The following RAB7A variants were observed in gnomAD, a reference collection of about 807,000 sequenced individuals.
RAB7A encodes the protein RAB7A, member RAS oncogene family.
Under a neutral mutation model 24.5 loss-of-function variants are expected in RAB7A, and 2 were observed. That is an observed-to-expected ratio of 0.08 (90% CI 0.03 to 0.26). The LOEUF is 0.26. Among genes scored for constraint, RAB7A ranks in the 10% least tolerant of loss-of-function variants. The pLI, the probability that RAB7A is intolerant of heterozygous loss-of-function variation, is 1.00. For missense variants in RAB7A, 118 were observed against 255.7 expected (o/e 0.46, Z 3.67); for synonymous variants, 100 against 95.9 (o/e 1.04, Z -0.25).
chr3:128,740,897 CAAAAA>C (rs59043831), intron 1 of RAB7A, among the ~76,000 whole-genome samples: 2 of 79,564 alleles, frequency 2.5e-5, no homozygotes, highest in Admixed American at 2.9e-4. Context: ...GGAGATGTCT[CAAAAA>C]AAAAAAAAAA....
chr3:128,785,070 C>T (rs1933307923), intron 1 of RAB7A: 1 of 151,972 alleles, frequency 6.6e-6, no homozygotes, highest in South Asian at 2.1e-4. Flanking sequence ...CTCAGCCTCC[C>T]TGGTAGCTGG....
At chr3:128,732,715 A>G (rs1399587044) in intron 1 of RAB7A, among the ~76,000 whole-genome samples, 1 of 152,164 alleles carries the variant, frequency 6.6e-6, no homozygotes, top group African/African-American at 2.4e-5. Flanking sequence ...GTGGTTCCAG[A>G]TGGTGGGAGG....
At chr3:128,774,586 A>T (rs1559789430) in intron 1 of RAB7A, among the ~76,000 whole-genome samples, 1 of 148,804 alleles carries the variant, frequency 6.7e-6, no homozygotes, top group Non-Finnish European at 1.5e-5. Context: ...TTATTTATTT[A>T]TTTTTGAGAC....
intron 1 of RAB7A, among the ~76,000 whole-genome samples, chr3:128,728,132 C>T (rs2070398911): frequency 1.3e-5 from 2 of 152,128 alleles, no homozygotes; most frequent in South Asian, 4.1e-4. Flanking sequence ...GACATTGACT[C>T]AGGGAGATAG....
At chr3:128,744,146 G>C (rs2070584978) in intron 1 of RAB7A, among the ~76,000 whole-genome samples, 1 of 152,040 alleles carries the variant, frequency 6.6e-6, no homozygotes, top group Non-Finnish European at 1.5e-5. Flanking sequence ...CCAGCTACTT[G>C]GGAGGCTAGA....
intron 1 of RAB7A, among the ~76,000 whole-genome samples, chr3:128,787,022 A>G (rs2107607456): frequency 6.6e-6 from 1 of 152,352 alleles, no homozygotes; most frequent in East Asian, 1.9e-4. Context: ...GGAAAACTAG[A>G]AAGACATATA....
intron 1 of RAB7A, among the ~76,000 whole-genome samples, chr3:128,769,189 C>A (rs114093475): frequency 2.6e-5 from 4 of 151,700 alleles, no homozygotes; most frequent in African/African-American, 9.7e-5. Flanking sequence ...CCACCACACC[C>A]GGCCCAGAAC....
At chr3:128,746,582 G>T (rs145615409) in intron 1 of RAB7A, among the ~76,000 whole-genome samples, 2,404 of 151,998 alleles carry the variant, frequency 0.016, 63 homozygotes, top group African/African-American at 0.056. Flanking sequence ...AGGCTGGAGT[G>T]CAGTGGCGCA....
chr3:128,776,985 CA>C (rs1353030867), intron 1 of RAB7A, among the ~76,000 whole-genome samples: 370 of 146,020 alleles, frequency 2.5e-3, no homozygotes, highest in Non-Finnish European at 4.3e-3. Flanking sequence ...CACACACACA[CA>C]CCCCTATTAG....
At chr3:128,772,479 G>A (rs1180774597) in intron 1 of RAB7A, among the ~76,000 whole-genome samples, 3 of 152,100 alleles carry the variant, frequency 2.0e-5, no homozygotes, top group Admixed American at 2.0e-4. Context: ...GGGATAGGGG[G>A]TTGTGAATTA....
rs1451030476 is a variant in RAB7A at position 128,814,664 on chromosome 3, G to GGA, written c.*1243_*1244dup. 6.6e-6 allele frequency: 1 copy of GGA among 152,588 alleles called. No individual in the cohort carries two copies. The highest frequency in any genetic ancestry group is 2.4e-5 in the African/African-American group (1 of 41,432). 9.5% of individuals were successfully genotyped at this position (152,588 alleles called of 1,614,324 possible). Reference sequence around the variant, plus strand: ...CCCTGGCAGTTCTGCTCCCTTCCTAGGATCTGCCCCTGCATTGTAGCTTGC... The same window carrying GGA: ...CCCTGGCAGTTCTGCTCCCTTCCTAGGAGATCTGCCCCTGCATTGTAGCTTGC... On this transcript the variant is annotated 3_prime_UTR_variant, in exon 6 of 6. Transcript: ENST00000265062.
chr3:128,768,851 G>A (rs564208479), intron 1 of RAB7A, among the ~76,000 whole-genome samples: 14 of 150,412 alleles, frequency 9.3e-5, no homozygotes, highest in African/African-American at 3.4e-4. Flanking sequence ...GAGACACTGC[G>A]CCCAGCCTAA....
intron 1 of RAB7A, 43 bp downstream of exon 1, chr3:128,726,402 C>G (rs899015623): frequency 6.6e-6 from 1 of 152,278 alleles, no homozygotes. Context: ...GGCCCCATCC[C>G]CCCCCTCAGC....
intron 4 of RAB7A, 82 bp downstream of exon 4, chr3:128,806,672 T>C (rs1056785534): frequency 8.2e-6 from 11 of 1,348,014 alleles, no homozygotes; most frequent in African/African-American, 7.2e-5. Flanking sequence ...TCTGCTAAGC[T>C]CACATGGCTC....
intron 1 of RAB7A, among the ~76,000 whole-genome samples, chr3:128,739,015 C>G (rs1460174134): frequency 1.3e-5 from 2 of 152,190 alleles, no homozygotes; most frequent in Non-Finnish European, 2.9e-5. Flanking sequence ...TTTTGACATT[C>G]TCTGACTCTT....
chr3:128,799,591 C>T (rs1933654613), intron 3 of RAB7A, among the ~76,000 whole-genome samples: 1 of 152,172 alleles, frequency 6.6e-6, no homozygotes, highest in Admixed American at 6.5e-5. Flanking sequence ...TTAATTGACT[C>T]ACACTTCTAG....
intron 4 of RAB7A, 44 bp from the exon 5 acceptor site, chr3:128,807,499 C>A: frequency 6.2e-7 from 1 of 1,612,758 alleles, no homozygotes; most frequent in Non-Finnish European, 8.5e-7. Context: ...TCAGTGCTGG[C>A]TGCTTCTGTC....
chr3:128,800,966 A>G (rs1301128544), intron 3 of RAB7A, among the ~76,000 whole-genome samples: 1 of 152,226 alleles, frequency 6.6e-6, no homozygotes, highest in African/African-American at 2.4e-5. Context: ...CAAAGGCGTC[A>G]TTATCCTGAT....
intron 1 of RAB7A, among the ~76,000 whole-genome samples, chr3:128,775,723 A>AT (rs1351209676): frequency 6.6e-6 from 1 of 152,208 alleles, no homozygotes; most frequent in African/African-American, 2.4e-5. Context: ...GCCCCATGAA[A>AT]TGCCTGTTAA....
Sources: allele counts gnomAD v4.1 joint callset (sites outside exome capture counted in the v4.1 genomes callset), GRCh38; gene constraint gnomAD v4.1.1; transcripts MANE v1.5; gene names NCBI Gene and HGNC (gene_info 2026-07-23, HGNC 2026-07-21).